CREBBP: variants seen among roughly 807,000 people sequenced by gnomAD.
CREBBP encodes CREB-binding protein.
CREBBP carries 19 observed loss-of-function variants against 265.0 expected under a neutral mutation model. That is an observed-to-expected ratio of 0.07 (90% confidence interval 0.05 to 0.11). The LOEUF is 0.11. Ranked by LOEUF, CREBBP falls within the 10% of genes least tolerant of loss-of-function variation. The pLI is 1.00. For synonymous variants in CREBBP, 1,457 were observed against 1,223.7 expected, an observed-to-expected ratio of 1.19 and a Z score of -3.98; for missense variants, 2,525 against 3,219.0, an observed-to-expected ratio of 0.78 and a Z score of 5.22.
At chr16:3,868,643 A>G (rs2055228271) in intron 1 of CREBBP, among the ~76,000 whole-genome samples, 1 of 152,122 alleles carries the variant, frequency 6.6e-6, no homozygotes, top group African/African-American at 2.4e-5. Flanking sequence ...ACTCACCCTC[A>G]ATGAGCTCTG....
intron 1 of CREBBP, among the ~76,000 whole-genome samples, chr16:3,863,695 C>T (rs932758450): frequency 5.3e-5 from 8 of 152,198 alleles, no homozygotes; most frequent in Non-Finnish European, 1.5e-5. Flanking sequence ...GCAGCCAAGT[C>T]TATTTTTATT....
In CREBBP at chr16:3,810,877, T is replaced by A. The variant is rs982955835; in HGVS notation, c.799-98A>T. The A allele has an allele frequency of 4.1e-6, 5 of 1,230,892 alleles. No homozygotes were observed. In the African/African-American group the frequency reaches 5.9e-5, roughly 15 times the overall value. 76.2% of individuals were successfully genotyped at this position (1,230,892 alleles called of 1,614,324 possible). A position where few individuals can be genotyped will look rare whatever the true frequency, so the allele number is the denominator to read the frequency against. ...ACACAGTTTCCTATGAAATACTCAT[T>A]GCAATGATAAATTCAAGGTTCATTA... On this transcript the variant is annotated intron_variant, in intron 2 of 30. Transcript: ENST00000262367.
At position 3,731,694 on chromosome 16, in the gene CREBBP, AC is replaced by A; in HGVS notation, c.4890+81del. ...CACTTCCCTCCCACCACAGACCTGC[AC>A]ACGGGCCCACGCCCGCCAGCTGCGA... On this transcript the variant is annotated intron_variant, in intron 29 of 30. Transcript: ENST00000262367. This position sits in a 1 kb window ranked among gnomAD's most constrained non-coding sequence, Gnocchi z 7.7. The A allele has an allele frequency of 6.3e-7, 1 of 1,589,170 alleles. No homozygotes were observed. Among genetic ancestry groups the A allele is most frequent in the Non-Finnish European group, 8.6e-7 (1 of 1,159,252 alleles).
In CREBBP at chr16:3,778,062, G is replaced by C. The variant is rs369233303; in HGVS notation, c.2062C>G (p.Pro688Ala). ...GGAATCACAGGGGGCTGAGCCCCCG[G>C]GGCTGGTAAGGCTGGCTGGTTCCCC... ...ILGNQPALPA[P>A]GAQPPVIPQA... The change falls in exon 10 of 31, where the codon CCG becomes GCG. Residue 688 changes from proline (P) to alanine (A), a missense_variant. Coordinates refer to ENST00000262367, the MANE Select transcript of CREBBP (RefSeq NM_004380.3). The C allele has an allele frequency of 3.8e-5, 61 of 1,614,134 alleles. No homozygotes were observed. The highest frequency in any genetic ancestry group is 5.0e-5 in the Non-Finnish European group (59 of 1,180,058).
intron 2 of CREBBP, among the ~76,000 whole-genome samples, chr16:3,848,101 C>T (rs1295849342): frequency 6.6e-6 from 1 of 150,862 alleles, no homozygotes; most frequent in Non-Finnish European, 1.5e-5. Context: ...ACCCAGGAGG[C>T]GGAGGTTGCA....
chr16:3,772,346 C>CACAT (rs2053033590), intron 13 of CREBBP, among the ~76,000 whole-genome samples: 1 of 151,516 alleles, frequency 6.6e-6, no homozygotes, highest in South Asian at 2.1e-4. Context: ...CACACACACA[C>CACAT]ACACACACAC....
chr16:3,852,972 A>G (rs2054884591), intron 1 of CREBBP, among the ~76,000 whole-genome samples: 1 of 152,008 alleles, frequency 6.6e-6, no homozygotes, highest in Admixed American at 6.6e-5. Context: ...CATCCAAAAA[A>G]AAAAAAAAAG....
At chr16:3,751,841 TC>T (rs2052481349) in intron 19 of CREBBP, 35 bp from the exon 20 acceptor site, 1 of 1,606,844 alleles carries the variant, frequency 6.2e-7, no homozygotes, top group East Asian at 2.2e-5. Context: ...GGTGAACTGG[TC>T]CATCATAACA....
chr16:3,773,253 G>A (rs977715359), intron 13 of CREBBP, among the ~76,000 whole-genome samples: 60 of 152,274 alleles, frequency 3.9e-4, no homozygotes, highest in Admixed American at 5.2e-4. Context: ...AATTTCTTCA[G>A]CTCTAGATTG....
At chr16:3,799,166 G>T (rs1482826553) in intron 3 of CREBBP, among the ~76,000 whole-genome samples, 1 of 152,170 alleles carries the variant, frequency 6.6e-6, no homozygotes, top group African/African-American at 2.4e-5. Context: ...GGAGATGGGG[G>T]TTCAGGGGAA....
intron 21 of CREBBP, among the ~76,000 whole-genome samples, chr16:3,747,308 G>A (rs2052365015): frequency 6.6e-6 from 1 of 152,222 alleles, no homozygotes; most frequent in South Asian, 2.1e-4. Flanking sequence ...TAAACGTCAA[G>A]AGACAGTGTA....
In CREBBP at chr16:3,726,701, T is replaced by C. The variant is rs1002069727; in HGVS notation, c.*1017A>G. 9 of 233,510 alleles carry C rather than the reference T, an allele frequency of 3.9e-5. No homozygotes were observed. Among genetic ancestry groups the C allele is most frequent in the African/African-American group, 1.5e-4 (7 of 45,340 alleles). The allele number at this position is 233,510 out of a possible 1,614,324, so 14.5% of individuals were successfully genotyped here. A position where few individuals can be genotyped will look rare whatever the true frequency, so the allele number is the denominator to read the frequency against. Reference sequence around the variant, plus strand: ...ATTTTAAGCGGTACTTTATATACAATGGGGAAAAAACACATGCATAGTCCA... The same window carrying C: ...ATTTTAAGCGGTACTTTATATACAACGGGGAAAAAACACATGCATAGTCCA... On this transcript the variant is annotated 3_prime_UTR_variant, in exon 31 of 31. Coordinates refer to ENST00000262367, the MANE Select transcript of CREBBP (RefSeq NM_004380.3).
chr16:3,750,431 TGTGGTAGG>T (rs1195512005), intron 20 of CREBBP, among the ~76,000 whole-genome samples: 1 of 152,146 alleles, frequency 6.6e-6, no homozygotes, highest in Non-Finnish European at 1.5e-5. Flanking sequence ...GAAGTCACAC[TGTGGTAGG>T]GTGGTAGGAA....
At chr16:3,875,883 G>C (rs1391134683) in intron 1 of CREBBP, among the ~76,000 whole-genome samples, 1 of 152,060 alleles carries the variant, frequency 6.6e-6, no homozygotes, top group Non-Finnish European at 1.5e-5. Context: ...CAGACCATTT[G>C]GTTGACAACC....
intron 3 of CREBBP, among the ~76,000 whole-genome samples, chr16:3,802,950 AG>A (rs1260182381): frequency 6.6e-6 from 1 of 152,142 alleles, no homozygotes. Context: ...CCACTTGCTC[AG>A]GTTCCCTCAT....
intron 1 of CREBBP, among the ~76,000 whole-genome samples, chr16:3,870,119 C>G (rs985995163): frequency 1.3e-5 from 2 of 151,982 alleles, no homozygotes; most frequent in Non-Finnish European, 2.9e-5. Flanking sequence ...AAAATTTTGT[C>G]CACCACGGGG....
intron 1 of CREBBP, 28 bp downstream of exon 1, chr16:3,879,804 C>A (rs779174290): frequency 1.5e-5 from 23 of 1,553,384 alleles, no homozygotes; most frequent in Non-Finnish European, 1.8e-5. Context: ...GCGCCCCGGG[C>A]CCCCGCCGCC....
At chr16:3,811,325 T>C (rs1190310146) in intron 2 of CREBBP, among the ~76,000 whole-genome samples, 5 of 152,160 alleles carry the variant, frequency 3.3e-5, no homozygotes, top group Non-Finnish European at 4.4e-5. Flanking sequence ...GAAATATTTT[T>C]CAATCTCTCC....
At chr16:3,745,935 C>G (rs191201659) in intron 21 of CREBBP, among the ~76,000 whole-genome samples, 331 of 152,342 alleles carry the variant, frequency 2.2e-3, no homozygotes, top group African/African-American at 6.9e-3. Context: ...CAAGTAAACA[C>G]TGGTGAAGCG....
Sources: allele counts gnomAD v4.1 joint callset (sites outside exome capture counted in the v4.1 genomes callset), GRCh38; gene constraint gnomAD v4.1.1; non-coding constraint Gnocchi (gnomAD v3.1); transcripts MANE v1.5; gene names NCBI Gene and HGNC (gene_info 2026-07-23, HGNC 2026-07-21).